Variants in PSG7 observed in about 807,000 individuals in gnomAD.
PSG7 encodes the protein pregnancy specific beta-1-glycoprotein 7.
In PSG7, 57 loss-of-function variants were observed where a neutral mutation model predicts 45.6. The ratio of observed to expected loss-of-function variants is 1.25; its 90% CI spans 1.01 to 1.56. PSG7 has a LOEUF of 1.56. Ranked by LOEUF, PSG7 falls within the 40% of genes most tolerant of loss-of-function variation. PSG7 has a pLI of 0.00. For synonymous variants in PSG7, 298 were observed against 194.4 expected, an observed-to-expected ratio of 1.53 and a Z score of -4.43; for missense variants, 796 against 508.4, an observed-to-expected ratio of 1.57 and a Z score of -5.44.
intron 2 of PSG7, among the ~76,000 whole-genome samples, chr19:42,934,744 T>C (rs1346514645): frequency 6.6e-6 from 1 of 151,542 alleles, no homozygotes; most frequent in East Asian, 1.9e-4. Flanking sequence ...TTCTATGGAG[T>C]GTCCTAGGCC....
rs367843044 is a variant in PSG7 at position 42,926,529 on chromosome 19, A to G, written c.897T>C (p.Ser299=). The change falls in exon 4 of 6, where the codon AGT becomes AGC. Residue 299 remains serine (S), a synonymous_variant. Coordinates refer to ENST00000406070, the MANE Select transcript of PSG7 (RefSeq NM_002783.3). ...RIENRILILP[S]VTRNETGPYQ... ...AGGGTCCTGTTTCATTTCTCGTGACACTGGGTAGAATGAGGATCCTGTTTT... is the reference window on the plus strand; with the variant it reads ...AGGGTCCTGTTTCATTTCTCGTGACGCTGGGTAGAATGAGGATCCTGTTTT... 1.1e-3 allele frequency: 1,797 copies of G among 1,610,726 alleles called. 56 individuals are homozygous for G. In the African/African-American group the frequency reaches 0.02, roughly 18 times the overall value.
chr19:42,933,514 G>A (rs1273279734), intron 2 of PSG7, among the ~76,000 whole-genome samples: 2 of 148,734 alleles, frequency 1.3e-5, no homozygotes, highest in Non-Finnish European at 3.0e-5. Flanking sequence ...ATGAAGCCTG[G>A]CAGGAGTGGC....
intron 2 of PSG7, among the ~76,000 whole-genome samples, chr19:42,932,536 C>T (rs1358076803): frequency 2.0e-5 from 3 of 151,414 alleles, no homozygotes; most frequent in Non-Finnish European, 1.5e-5. Context: ...ACTGCAGGCC[C>T]TTCCAGCCTC....
chr19:42,936,652 C>T (rs1402325440), intron 1 of PSG7, among the ~76,000 whole-genome samples: 1 of 150,906 alleles, frequency 6.6e-6, no homozygotes, highest in Non-Finnish European at 1.5e-5. Context: ...TTTCTTTTTT[C>T]CTTTTTTTCT....
rs140053302 is a variant in PSG7 at position 42,931,361 on chromosome 19, C to T, written c.431-1641G>A. Among the ~76,000 whole-genome samples the T allele has an allele frequency of 1.5e-4, 23 of 151,328 alleles. 1 individual carries two copies. Among genetic ancestry groups the T allele is most frequent in the Non-Finnish European group, 3.1e-4 (21 of 67,880 alleles). Reference sequence around the variant, plus strand: ...CCAAAGGTGATTTGAATTAGCAGCTCCTTAAGTAGAGAGAGTCCCGTTAAA... The same window carrying T: ...CCAAAGGTGATTTGAATTAGCAGCTTCTTAAGTAGAGAGAGTCCCGTTAAA... On this transcript the variant is annotated intron_variant, in intron 2 of 5. Coordinates refer to ENST00000406070, the MANE Select transcript of PSG7 (RefSeq NM_002783.3).
Position 42,929,363 on chromosome 19 carries a change from G to A in PSG7, c.709+79C>T, listed in dbSNP as rs567283565. 13 of 1,609,070 alleles carry A rather than the reference G, an allele frequency of 8.1e-6. No individual in the cohort carries two copies. In the Admixed American group the frequency reaches 2.0e-4, roughly 25 times the overall value. On this transcript the variant is annotated intron_variant, in intron 3 of 5. Transcript: ENST00000406070. ...TAAAGGTCTACATACTTGGACCTGA[G>A]AGGGACTGAGAAGCCCGGCCTCTGG...
Position 42,924,645 on chromosome 19 carries a change from A to G in PSG7, c.*163T>C. 2.8e-6 allele frequency: 2 copies of G among 713,524 alleles called. No homozygotes were observed. Among genetic ancestry groups the G allele is most frequent in the African/African-American group, 1.8e-5 (1 of 56,676 alleles). The allele number at this position is 713,524 out of a possible 1,614,324, so 44.2% of individuals were successfully genotyped here. Reference sequence around the variant, plus strand: ...TGAGCAGCTGTTGTTATGGTGTTGAACATTTTGGTGAGTTCTGAGTGGCTC... The same window carrying G: ...TGAGCAGCTGTTGTTATGGTGTTGAGCATTTTGGTGAGTTCTGAGTGGCTC... On this transcript the variant is annotated 3_prime_UTR_variant, in exon 6 of 6. Transcript: ENST00000406070.
At chr19:42,929,316 C>T (rs1306979326) in intron 3 of PSG7, 126 bp downstream of exon 3, 2 of 1,580,896 alleles carry the variant, frequency 1.3e-6, no homozygotes, top group Admixed American at 1.7e-5. Flanking sequence ...AGGAAGTCAC[C>T]ACCAGCTTTG....
chr19:42,931,887 C>G lies in PSG7; in HGVS notation c.431-2167G>C, dbSNP rs571347564. Among the ~76,000 whole-genome samples the G allele has an allele frequency of 2.3e-4, 33 of 145,280 alleles. 1 individual carries two copies. The highest frequency in any genetic ancestry group is 4.3e-4 in the Non-Finnish European group (28 of 65,766). ...AATATGAAGTTGAAATGTTGTTCCA[C>G]TTTTTTTCCCCCACTCTTTTTGAAC... On this transcript the variant is annotated intron_variant, in intron 2 of 5. Coordinates refer to ENST00000406070, the MANE Select transcript of PSG7 (RefSeq NM_002783.3).
At position 42,924,478 on chromosome 19, in the gene PSG7, C is replaced by T; in HGVS notation, c.*330G>A. On this transcript the variant is annotated 3_prime_UTR_variant, in exon 6 of 6. Transcript: ENST00000406070. ...TGTGAAATTCTAATGACTGCATTAT[C>T]CTGCCAAGTGAAAGAGGCAGGCACA... 1.8e-6 allele frequency: 1 copy of T among 557,986 alleles called. No individual in the cohort carries two copies. Among genetic ancestry groups the T allele is most frequent in the Non-Finnish European group, 3.2e-6 (1 of 317,430 alleles). The allele number at this position is 557,986 out of a possible 1,614,324, so 34.6% of individuals were successfully genotyped here.
At chr19:42,934,800 C>T (rs539300629) in intron 2 of PSG7, among the ~76,000 whole-genome samples, 1 of 151,768 alleles carries the variant, frequency 6.6e-6, no homozygotes, top group African/African-American at 2.4e-5. Flanking sequence ...TCTTTCTGTC[C>T]TCTCCACTCT....
At chr19:42,928,393 T>C (rs1021630922) in intron 3 of PSG7, among the ~76,000 whole-genome samples, 2 of 151,596 alleles carry the variant, frequency 1.3e-5, no homozygotes, top group Admixed American at 1.3e-4. Flanking sequence ...TTTCTAACAA[T>C]ATTGATTCTT....
rs374125848 is a variant in PSG7 at position 42,924,890 on chromosome 19, G to A, written c.1244-66C>T. 7.4e-4 allele frequency: 561 copies of A among 762,406 alleles called. 19 individuals carry two copies. The Admixed American group carries it at 7.9e-3, about 11-fold the overall frequency. The allele number at this position is 762,406 out of a possible 1,614,324, so 47.2% of individuals were successfully genotyped here. A position where few individuals can be genotyped will look rare whatever the true frequency, so the allele number is the denominator to read the frequency against. ...TGCAATCTCATAACAGGTGTACTAC[G>A]GTTTTATTTTCCACATAATTTTTCT... On this transcript the variant is annotated intron_variant, in intron 5 of 5. Coordinates refer to ENST00000406070, the MANE Select transcript of PSG7 (RefSeq NM_002783.3).
At chr19:42,926,269 G>A in intron 4 of PSG7, 169 bp downstream of exon 4, 1 of 1,439,696 alleles carries the variant, frequency 6.9e-7, no homozygotes, top group Non-Finnish European at 9.3e-7. Flanking sequence ...TTAAGGCTGT[G>A]CCTACCCAGG....
chr19:42,933,307 A>ATTTTTTT (rs397965905), intron 2 of PSG7, among the ~76,000 whole-genome samples: 163 of 13,504 alleles, frequency 0.012, 18 homozygotes, highest in Non-Finnish European at 0.021. Flanking sequence ...ATATATATAT[A>ATTTTTTT]TTTTTTTTTT....
chr19:42,932,554 C>G (rs1973043523), intron 2 of PSG7, among the ~76,000 whole-genome samples: 1 of 151,382 alleles, frequency 6.6e-6, no homozygotes, highest in South Asian at 2.1e-4. Flanking sequence ...CTCTGACACC[C>G]TGATGAGTCC....
At chr19:42,934,170 A>AG (rs1600572276) in intron 2 of PSG7, among the ~76,000 whole-genome samples, 2 of 151,460 alleles carry the variant, frequency 1.3e-5, no homozygotes, top group East Asian at 3.9e-4. Flanking sequence ...ACAGGATTTC[A>AG]GGTTCAATGA....
In PSG7 at chr19:42,935,780, G is replaced by A. The variant is rs782790747; in HGVS notation, c.65-11C>T. On this transcript the variant is annotated splice_polypyrimidine_tract_variant and intron_variant, in intron 1 of 5. Coordinates refer to ENST00000406070, the MANE Select transcript of PSG7 (RefSeq NM_002783.3). ...AGTTTAAAAGTGATGCTAGGAGGTG[G>A]AGAGAGCATCAGTCAATATTGAGAC... 1.2e-6 allele frequency: 2 copies of A among 1,604,856 alleles called. No homozygotes were observed. Among genetic ancestry groups the A allele is most frequent in the Middle Eastern group, 1.7e-4 (1 of 6,010 alleles).
chr19:42,926,515 T>C lies in PSG7; in HGVS notation c.911A>G (p.Glu304Gly), dbSNP rs1972893948. The C allele has an allele frequency of 3.7e-6, 6 of 1,611,144 alleles. No homozygotes were observed. The highest frequency in any genetic ancestry group is 5.1e-6 in the Non-Finnish European group (6 of 1,179,022). Residue 304 changes from glutamate to glycine, a missense_variant, in exon 4 of 6, where the codon GAA becomes GGA. Glu to Gly is a moderately conservative substitution (Grantham distance 98, BLOSUM62 -2). Coordinates refer to ENST00000406070, the MANE Select transcript of PSG7 (RefSeq NM_002783.3). ...TATTTCACATTGATAGGGTCCTGTT[T>C]CATTTCTCGTGACACTGGGTAGAAT... The part of the protein sequence containing the change: ...ILILPSVTRN[E>G]TGPYQCEIRD...
Sources: gnomAD v4.1 joint callset for allele counts (sites outside exome capture counted in the v4.1 genomes callset) on GRCh38, gnomAD v4.1.1 for gene constraint, MANE v1.5 for transcripts, NCBI Gene and HGNC (gene_info 2026-07-23, HGNC 2026-07-21) for gene names.